TLN2: variants seen among roughly 807,000 people sequenced by gnomAD.
TLN2 encodes the protein talin 2.
TLN2 carries 118 observed loss-of-function variants against 294.7 expected under a neutral mutation model. The ratio of observed to expected loss-of-function variants is 0.40; its 90% CI spans 0.34 to 0.47. TLN2 has a LOEUF of 0.47. Ranked by LOEUF, TLN2 falls within the 20% of genes least tolerant of loss-of-function variation. The pLI is 0.84. For missense variants in TLN2, 3,083 were observed against 3,282.2 expected, an observed-to-expected ratio of 0.94 and a Z score of 1.48; for synonymous variants, 1,431 against 1,304.5, an observed-to-expected ratio of 1.10 and a Z score of -2.09.
intron 28 of TLN2, among the ~76,000 whole-genome samples, chr15:62,736,176 C>T (rs899107776): frequency 8.6e-5 from 13 of 151,948 alleles, no homozygotes; most frequent in Non-Finnish European, 1.5e-4. Flanking sequence ...AAAAATTAGC[C>T]GGGCGTGGTG....
intron 3 of TLN2, chr15:62,638,295 C>G: frequency 2.9e-6 from 1 of 346,864 alleles, no homozygotes; most frequent in Non-Finnish European, 5.6e-6. Context: ...GGGCAGCACT[C>G]AGCTCAGTTG....
intron 1 of TLN2, among the ~76,000 whole-genome samples, chr15:62,588,133 G>A (rs2045775574): frequency 1.3e-5 from 2 of 152,006 alleles, no homozygotes; most frequent in South Asian, 4.2e-4. Context: ...GCCCGCCTTC[G>A]CCTCCCAAAG....
chr15:62,649,828 C>T (rs1437760415), intron 4 of TLN2, among the ~76,000 whole-genome samples: 3 of 152,210 alleles, frequency 2.0e-5, no homozygotes, highest in Non-Finnish European at 2.9e-5. Context: ...AATTTTCCTA[C>T]ATTTTAGACA....
At chr15:62,411,671 G>C (rs946951625) in intron 1 of TLN2, among the ~76,000 whole-genome samples, 3 of 152,118 alleles carry the variant, frequency 2.0e-5, no homozygotes, top group African/African-American at 7.2e-5. Flanking sequence ...AGCTGAGATA[G>C]TGAATGATGC....
intron 10 of TLN2, among the ~76,000 whole-genome samples, chr15:62,674,830 C>T (rs1227947931): frequency 1.3e-5 from 2 of 152,204 alleles, no homozygotes; most frequent in African/African-American, 4.8e-5. Context: ...GTTAGAATGA[C>T]ACCTCTCCTG....
chr15:62,472,254 T>C (rs1422964749), intron 1 of TLN2, among the ~76,000 whole-genome samples: 2 of 152,122 alleles, frequency 1.3e-5, no homozygotes, highest in East Asian at 1.9e-4. Flanking sequence ...GATAGATCTC[T>C]TTCTTCCCCC....
intron 1 of TLN2, among the ~76,000 whole-genome samples, chr15:62,575,826 G>T (rs2044344969): frequency 6.6e-6 from 1 of 152,198 alleles, no homozygotes; most frequent in African/African-American, 2.4e-5. Context: ...CAAGTGAGTG[G>T]CTATTCTCCA....
At chr15:62,412,388 T>C (rs531575231) in intron 1 of TLN2, among the ~76,000 whole-genome samples, 12 of 152,346 alleles carry the variant, frequency 7.9e-5, no homozygotes, top group African/African-American at 2.9e-4. Flanking sequence ...TTGAGTGCTC[T>C]ACTCAAATCC....
intron 1 of TLN2, among the ~76,000 whole-genome samples, chr15:62,419,693 G>C (rs2034281411): frequency 6.6e-6 from 1 of 151,848 alleles, no homozygotes; most frequent in Non-Finnish European, 1.5e-5. Context: ...TGTCACCCAG[G>C]CTGGAGTGCA....
rs1398339543 is a variant in TLN2, at chr15:62,843,011, G to C, written c.*2401G>C. 1 of 152,212 alleles carries C rather than the reference G, an allele frequency of 6.6e-6. No individual in the cohort carries two copies. The highest frequency in any genetic ancestry group is 2.4e-5 in the African/African-American group (1 of 41,438). The allele number at this position is 152,212 out of a possible 1,614,324, so 9.4% of individuals were successfully genotyped here. A position where few individuals can be genotyped will look rare whatever the true frequency, so the allele number is the denominator to read the frequency against. On this transcript the variant is annotated 3_prime_UTR_variant, in exon 59 of 59. Coordinates refer to ENST00000636159, the MANE Select transcript of TLN2 (RefSeq NM_015059.3). ...GTTATTTAATAGGCACTACTGCGGTGTCCTCAGATGGTACTGAGGGGGCCT... is the reference window on the plus strand; with the variant it reads ...GTTATTTAATAGGCACTACTGCGGTCTCCTCAGATGGTACTGAGGGGGCCT...
intron 43 of TLN2, among the ~76,000 whole-genome samples, 159 bp from the exon 44 acceptor site, chr15:62,780,981 G>A (rs374698294): frequency 1.9e-4 from 29 of 152,158 alleles, no homozygotes; most frequent in African/African-American, 7.0e-4. Context: ...GTGCCCTTCT[G>A]TTGAAGTCCT....
intron 1 of TLN2, among the ~76,000 whole-genome samples, chr15:62,417,392 G>C (rs940571160): frequency 2.0e-5 from 3 of 152,136 alleles, no homozygotes; most frequent in Non-Finnish European, 4.4e-5. Context: ...ATGCTTTTTA[G>C]ACCAAGCGTA....
At chr15:62,588,038 C>G (rs2045762598) in intron 1 of TLN2, among the ~76,000 whole-genome samples, 1 of 151,954 alleles carries the variant, frequency 6.6e-6, no homozygotes, top group Non-Finnish European at 1.5e-5. Flanking sequence ...CCACCACCAC[C>G]CCTGGCTAAT....
intron 2 of TLN2, among the ~76,000 whole-genome samples, chr15:62,604,683 CTCT>C (rs2047280396): frequency 6.9e-6 from 1 of 144,576 alleles, no homozygotes; most frequent in Non-Finnish European, 1.5e-5. Context: ...TGGATTTCTT[CTCT>C]TCGTCTTCTT....
chr15:62,576,733 T>C (rs1183670188), intron 1 of TLN2, among the ~76,000 whole-genome samples: 1 of 142,158 alleles, frequency 7.0e-6, no homozygotes, highest in Non-Finnish European at 1.5e-5. Flanking sequence ...GCTGTTTGAA[T>C]ATATATATAT....
At chr15:62,439,862 G>A (rs926048249) in intron 1 of TLN2, among the ~76,000 whole-genome samples, 2 of 152,102 alleles carry the variant, frequency 1.3e-5, no homozygotes, top group Admixed American at 1.3e-4. Flanking sequence ...CATTAATTAG[G>A]GGCAAGAAGA....
At chr15:62,601,221 G>A (rs74964295) in intron 2 of TLN2, among the ~76,000 whole-genome samples, 2,726 of 152,292 alleles carry the variant, frequency 0.018, 40 homozygotes, top group Middle Eastern at 0.031. Context: ...GGATGCTACT[G>A]AGATTGAGTG....
chr15:62,502,021 G>A (rs533794974), intron 1 of TLN2, among the ~76,000 whole-genome samples: 4 of 152,218 alleles, frequency 2.6e-5, no homozygotes, highest in Non-Finnish European at 4.4e-5. Flanking sequence ...GACCTTCCTC[G>A]CTCTCTTTGT....
At chr15:62,598,923 A>G (rs2140771524) in intron 2 of TLN2, among the ~76,000 whole-genome samples, 1 of 152,138 alleles carries the variant, frequency 6.6e-6, no homozygotes, top group Middle Eastern at 3.4e-3. Flanking sequence ...CCTCCTCACT[A>G]GACAGAACTA....
Sources: allele counts gnomAD v4.1 joint callset (sites outside exome capture counted in the v4.1 genomes callset), GRCh38; gene constraint gnomAD v4.1.1; transcripts MANE v1.5; gene names NCBI Gene and HGNC (gene_info 2026-07-23, HGNC 2026-07-21).